The following CWF19L1 variants were observed in gnomAD, a reference collection of about 807,000 sequenced individuals.
CWF19L1 encodes CWF19 like cell cycle control factor 1.
CWF19L1 carries 60 observed loss-of-function variants against 69.7 expected under a neutral mutation model. The observed-to-expected ratio is 0.86, with a 90% CI of 0.70 to 1.07. CWF19L1 has a LOEUF of 1.07. Ranked by LOEUF, CWF19L1 falls within the 50% of genes least tolerant of loss-of-function variation. The pLI, the probability that CWF19L1 is intolerant of heterozygous loss-of-function variation, is 0.00. For synonymous variants in CWF19L1, 209 were observed against 222.2 expected, an observed-to-expected ratio of 0.94 and a Z score of 0.53; for missense variants, 591 against 638.9, an observed-to-expected ratio of 0.92 and a Z score of 0.81.
chr10:100,236,568 G>A (rs986640237), intron 12 of CWF19L1, among the ~76,000 whole-genome samples: 4 of 152,070 alleles, frequency 2.6e-5, no homozygotes, highest in African/African-American at 7.2e-5. Context: ...TCAGGAGTTC[G>A]AGACCAGCCT....
chr10:100,237,259 T>C (rs1846474006), intron 11 of CWF19L1: 3 of 596,776 alleles, frequency 5.0e-6, no homozygotes, highest in Non-Finnish European at 9.6e-6. Flanking sequence ...GTTAGGCCCA[T>C]TTGAAAACTT....
intron 10 of CWF19L1, among the ~76,000 whole-genome samples, chr10:100,239,368 C>T (rs755152565): frequency 2.6e-5 from 4 of 152,174 alleles, no homozygotes; most frequent in Non-Finnish European, 5.9e-5. Context: ...AGACCGGGTG[C>T]GTTGGCTCAT....
chr10:100,246,281 T>C (rs1846816198), intron 8 of CWF19L1, among the ~76,000 whole-genome samples: 1 of 152,216 alleles, frequency 6.6e-6, no homozygotes, highest in Admixed American at 6.5e-5. Context: ...AATTCAGCCT[T>C]AAGAGATGAG....
chr10:100,241,313 C>A (rs893074107), intron 10 of CWF19L1, among the ~76,000 whole-genome samples: 1 of 152,004 alleles, frequency 6.6e-6, no homozygotes, highest in Non-Finnish European at 1.5e-5. Flanking sequence ...CTGCACCCGG[C>A]CAAGACATTT....
At chr10:100,257,589 C>T (rs1847258465) in intron 4 of CWF19L1, among the ~76,000 whole-genome samples, 1 of 151,864 alleles carries the variant, frequency 6.6e-6, no homozygotes, top group South Asian at 2.1e-4. Flanking sequence ...TGAGCCACCA[C>T]GCCCAGCCTA....
rs886182272 is a variant in CWF19L1 at position 100,253,880 on chromosome 10, G to T, written c.505-341C>A. Reference sequence around the variant, plus strand: ...CAGACTGGGCTTCTAGTTTTGGTTTGTTTTTTTTTTTTGAGATGGAGTCTT... The same window carrying T: ...CAGACTGGGCTTCTAGTTTTGGTTTTTTTTTTTTTTTTGAGATGGAGTCTT... On this transcript the variant is annotated intron_variant, in intron 5 of 13. Coordinates refer to ENST00000354105, the MANE Select transcript of CWF19L1 (RefSeq NM_018294.6). 5.2e-3 allele frequency: 827 copies of T among 160,376 alleles called. 9 individuals carry two copies. The highest frequency in any genetic ancestry group is 0.019 in the African/African-American group (755 of 40,294). The allele number at this position is 160,376 out of a possible 1,614,324, so 9.9% of individuals were successfully genotyped here.
rs1328971451 is a variant in CWF19L1 at position 100,237,790 on chromosome 10, G to T, written c.1254+232C>A. The stretch of plus-strand genomic sequence containing the variant: ...GCCTCCCGAGTAGCTGGGATTACAG[G>T]CATGCACCACCACGCCCAGCTAATT... On this transcript the variant is annotated intron_variant, in intron 11 of 13. Coordinates refer to ENST00000354105, the MANE Select transcript of CWF19L1 (RefSeq NM_018294.6). Among the ~76,000 whole-genome samples, 5 of 152,018 alleles carry T rather than the reference G, an allele frequency of 3.3e-5. No homozygotes were observed. In the East Asian group the frequency reaches 9.7e-4, roughly 29 times the overall value.
intron 9 of CWF19L1, among the ~76,000 whole-genome samples, chr10:100,245,345 T>A (rs1459753849): frequency 1.3e-5 from 2 of 151,942 alleles, no homozygotes; most frequent in Non-Finnish European, 2.9e-5. Context: ...TTTATCCCAA[T>A]ATGGGTATAT....
intron 12 of CWF19L1, 87 bp downstream of exon 12, chr10:100,236,763 C>G (rs1008061636): frequency 1.8e-5 from 26 of 1,484,570 alleles, no homozygotes; most frequent in Non-Finnish European, 2.3e-5. Context: ...GAGCAAGACT[C>G]TGTCTCAAAC....
chr10:100,260,088 A>T (rs887372391), intron 4 of CWF19L1, 130 bp downstream of exon 4: 2 of 589,738 alleles, frequency 3.4e-6, no homozygotes, highest in African/African-American at 3.8e-5. Flanking sequence ...GAATCACTTG[A>T]ACCCGGGAGG....
intron 6 of CWF19L1, among the ~76,000 whole-genome samples, chr10:100,251,665 C>A (rs770717349): frequency 1.3e-5 from 2 of 152,116 alleles, no homozygotes; most frequent in Non-Finnish European, 2.9e-5. Flanking sequence ...GCGCCCGCCA[C>A]CATGCCCAGC....
At chr10:100,254,902 C>G (rs1847159884) in intron 5 of CWF19L1, among the ~76,000 whole-genome samples, 1 of 152,056 alleles carries the variant, frequency 6.6e-6, no homozygotes, top group South Asian at 2.1e-4. Context: ...ATGGGTTTGT[C>G]AAAAAGGAAG....
In CWF19L1 at chr10:100,248,605, C is replaced by T. The variant is rs115274689; in HGVS notation, c.708+1643G>A. 1.0e-3 allele frequency: 773 copies of T among 741,666 alleles called. 3 individuals carry two copies. Among genetic ancestry groups the T allele is most frequent in the African/African-American group, 9.5e-3 (557 of 58,800 alleles). The allele number at this position is 741,666 out of a possible 1,614,324, so 45.9% of individuals were successfully genotyped here. The stretch of plus-strand genomic sequence containing the variant: ...CAGCATTGAAGAGGATTATGATAAG[C>T]GTGTGCTGCTGTCCATCACTACTGA... On this transcript the variant is annotated intron_variant, in intron 7 of 13. Transcript: ENST00000354105.
At chr10:100,257,502 G>T (rs1847254751) in intron 4 of CWF19L1, among the ~76,000 whole-genome samples, 1 of 151,844 alleles carries the variant, frequency 6.6e-6, no homozygotes, top group Non-Finnish European at 1.5e-5. Flanking sequence ...GTTTCATCAT[G>T]TTGGCCAGGA....
chr10:100,262,183 G>A, intron 1 of CWF19L1, 120 bp from the exon 2 acceptor site: 1 of 1,412,458 alleles, frequency 7.1e-7, no homozygotes, highest in Non-Finnish European at 9.2e-7. Context: ...CAGTTACCTT[G>A]CAAGGTTCAG....
intron 4 of CWF19L1, among the ~76,000 whole-genome samples, chr10:100,257,884 A>G (rs1483908538): frequency 6.6e-6 from 1 of 151,800 alleles, no homozygotes; most frequent in Non-Finnish European, 1.5e-5. Context: ...TCTCAGCTCT[A>G]TTTTTCATCA....
intron 6 of CWF19L1, among the ~76,000 whole-genome samples, chr10:100,252,063 C>T (rs1325336076): frequency 6.6e-6 from 1 of 151,982 alleles, no homozygotes; most frequent in East Asian, 1.9e-4. Context: ...ACTAGCAACA[C>T]GTAAATATTA....
Position 100,236,782 on chromosome 10 carries a change from AAAC to A in CWF19L1, c.1374+65_1374+67del, listed in dbSNP as rs1589609510. On this transcript the variant is annotated intron_variant, in intron 12 of 13. Transcript: ENST00000354105. The stretch of plus-strand genomic sequence containing the variant: ...AAGACTCTGTCTCAAACAAACAAAC[AAAC>A]AACAAACAACAACAAAAAAAACAGA... 9.2e-6 allele frequency: 14 copies of A among 1,518,648 alleles called. No homozygotes were observed. In the East Asian group the frequency reaches 2.8e-4, roughly 30 times the overall value. The allele number at this position is 1,518,648 out of a possible 1,614,324, so 94.1% of individuals were successfully genotyped here.
chr10:100,237,921 T>TAGCAC (rs1846500664), intron 11 of CWF19L1, 101 bp downstream of exon 11: 5 of 1,144,736 alleles, frequency 4.4e-6, no homozygotes, highest in Non-Finnish European at 6.5e-6. Flanking sequence ...AGTGCTAGGA[T>TAGCAC]TACAGGCGTG....
Sources: allele counts gnomAD v4.1 joint callset (sites outside exome capture counted in the v4.1 genomes callset), GRCh38; gene constraint gnomAD v4.1.1; transcripts MANE v1.5; gene names NCBI Gene and HGNC (gene_info 2026-07-23, HGNC 2026-07-21).